CBLN2: variants seen among roughly 807,000 people sequenced by gnomAD.
CBLN2 encodes the protein cerebellin-2.
A neutral mutation model predicts 15.0 loss-of-function variants in CBLN2; 7 were observed. The observed-to-expected ratio is 0.47, with a 90% CI of 0.27 to 0.88. CBLN2 has a LOEUF of 0.88. CBLN2 is among the 40% of genes least tolerant of loss of function. The pLI, the probability that CBLN2 is intolerant of heterozygous loss-of-function variation, is 0.14. For synonymous variants in CBLN2, 149 were observed against 135.2 expected (o/e 1.10, Z -0.71); for missense variants, 242 against 304.5 (o/e 0.79, Z 1.53).
At chr18:72,580,436 C>T (rs998475114) in intron 1 of CBLN2, among the ~76,000 whole-genome samples, 5 of 152,146 alleles carry the variant, frequency 3.3e-5, no homozygotes, top group Non-Finnish European at 7.4e-5. Context: ...AGGTTTGTTT[C>T]TATCATAACC....
intron 1 of CBLN2, among the ~76,000 whole-genome samples, chr18:72,597,803 T>C (rs987413856): frequency 3.3e-5 from 5 of 151,796 alleles, no homozygotes; most frequent in Non-Finnish European, 5.9e-5. Context: ...AGCAAAGGAG[T>C]CTCTCCCTAT....
rs528289446 is a variant in CBLN2, at chr18:72,599,119, T to C, written c.15+39206A>G. Among the ~76,000 whole-genome samples, 13 of 152,296 alleles carry C rather than the reference T, an allele frequency of 8.5e-5. No individual in the cohort carries two copies. The South Asian group carries it at 1.2e-3, about 15-fold the overall frequency. On this transcript the variant is annotated intron_variant, in intron 1 of 2. Transcript: ENST00000581073. ...GGGGAACAATTTCTGGAGGCTTCTA[T>C]TTGGCCATGGTGCTCCACTTCCCCC...
At chr18:72,596,663 G>A (rs963625001) in intron 1 of CBLN2, among the ~76,000 whole-genome samples, 1 of 152,112 alleles carries the variant, frequency 6.6e-6, no homozygotes, top group Non-Finnish European at 1.5e-5. Context: ...TTCTTCTTGT[G>A]TTTGAAGGAT....
intron 1 of CBLN2, among the ~76,000 whole-genome samples, chr18:72,568,103 C>T (rs930977008): frequency 8.6e-5 from 13 of 151,978 alleles, no homozygotes; most frequent in Non-Finnish European, 1.6e-4. Flanking sequence ...TGTCAAATGC[C>T]GCTATATCCA....
intron 1 of CBLN2, among the ~76,000 whole-genome samples, chr18:72,570,992 C>G (rs990610344): frequency 2.0e-5 from 3 of 151,900 alleles, no homozygotes; most frequent in African/African-American, 7.3e-5. Context: ...TTATATCTCT[C>G]TCTATATATT....
At chr18:72,620,592 T>C (rs541896552) in intron 1 of CBLN2, 2 of 152,348 alleles carry the variant, frequency 1.3e-5, no homozygotes, top group East Asian at 1.9e-4. Context: ...CAGAGTGGGC[T>C]GTTGGTAGTA....
Position 72,538,278 on chromosome 18 carries a change from G to A in CBLN2, c.573C>T (p.Leu191=). ...REAASNGVLL[L]MEREDKVHLK... ...GATGCACTTTGTCTTCCCTTTCCAT[G>A]AGCAGCAGCACGCCATTGCTAGCAG... Residue 191 remains leucine, a synonymous_variant, in exon 5 of 5, where the codon CTC becomes CTT. Coordinates refer to ENST00000269503, the MANE Select transcript of CBLN2 (RefSeq NM_182511.4). 1 of 1,614,122 alleles carries A rather than the reference G, an allele frequency of 6.2e-7. No homozygotes were observed. The highest frequency in any genetic ancestry group is 8.5e-7 in the Non-Finnish European group (1 of 1,180,030).
chr18:72,563,199 G>A (rs1055036261), intron 1 of CBLN2, among the ~76,000 whole-genome samples: 1 of 152,074 alleles, frequency 6.6e-6, no homozygotes, highest in South Asian at 2.1e-4. Flanking sequence ...ATTATAAAAA[G>A]GGAAACCTAA....
At chr18:72,551,083 G>C (rs1477290583) in intron 1 of CBLN2, among the ~76,000 whole-genome samples, 1 of 151,680 alleles carries the variant, frequency 6.6e-6, no homozygotes, top group East Asian at 1.9e-4. Flanking sequence ...TTGTTTTGCT[G>C]TTTTTCAACA....
At chr18:72,624,372 C>A (rs1264162632) in intron 1 of CBLN2, among the ~76,000 whole-genome samples, 1 of 152,066 alleles carries the variant, frequency 6.6e-6, no homozygotes, top group African/African-American at 2.4e-5. Flanking sequence ...CTAACTAAAA[C>A]TATCTTCCTG....
At chr18:72,555,714 A>C (rs543155756) in intron 1 of CBLN2, among the ~76,000 whole-genome samples, 1 of 152,214 alleles carries the variant, frequency 6.6e-6, no homozygotes, top group Non-Finnish European at 1.5e-5. Context: ...GAACTTAAGC[A>C]AAATAATGTG....
Position 72,538,268 on chromosome 18 carries a change from C to G in CBLN2, c.583G>C (p.Glu195Gln), listed in dbSNP as rs1309683099. ...SNGVLLLMER[E>Q]DKVHLKLERG... ...TCAAGTTTGAGATGCACTTTGTCTTCCCTTTCCATGAGCAGCAGCACGCCA... is the reference window on the plus strand; with the variant it reads ...TCAAGTTTGAGATGCACTTTGTCTTGCCTTTCCATGAGCAGCAGCACGCCA... The change falls in exon 5 of 5, where the codon GAA (glutamate) becomes CAA (glutamine). Residue 195 changes from glutamate to glutamine, a missense_variant. Glu to Gln is a conservative substitution (Grantham distance 29). Coordinates refer to ENST00000269503, the MANE Select transcript of CBLN2 (RefSeq NM_182511.4). The G allele has an allele frequency of 2.5e-6, 4 of 1,614,072 alleles. No individual in the cohort carries two copies. The highest frequency in any genetic ancestry group is 1.3e-5 in the African/African-American group (1 of 74,918).
chr18:72,637,046 A>T (rs1187547222), intron 1 of CBLN2, among the ~76,000 whole-genome samples: 6 of 151,900 alleles, frequency 3.9e-5, no homozygotes, highest in Non-Finnish European at 5.9e-5. Context: ...AACTGCAAAA[A>T]AAAAAAAAAC....
intron 3 of CBLN2, chr18:72,539,013 A>G: frequency 2.2e-6 from 1 of 454,786 alleles, no homozygotes; most frequent in East Asian, 3.6e-5. Context: ...TCTAAAGCAT[A>G]TTTTAATTAT....
intron 1 of CBLN2, among the ~76,000 whole-genome samples, chr18:72,626,314 A>T (rs2069738977): frequency 6.6e-6 from 1 of 152,078 alleles, no homozygotes; most frequent in Non-Finnish European, 1.5e-5. Flanking sequence ...AACTCTTTAC[A>T]ATATTGGTAT....
intron 1 of CBLN2, among the ~76,000 whole-genome samples, chr18:72,568,385 A>G (rs1358816478): frequency 2.0e-5 from 3 of 152,192 alleles, no homozygotes; most frequent in Non-Finnish European, 4.4e-5. Context: ...GATTCTGAAC[A>G]TCTCTCAACT....
intron 1 of CBLN2, among the ~76,000 whole-genome samples, chr18:72,632,563 C>T (rs1054100870): frequency 1.3e-5 from 2 of 152,134 alleles, no homozygotes; most frequent in Non-Finnish European, 2.9e-5. Context: ...CACTCTTTTA[C>T]AATGTGGCCA....
At chr18:72,552,036 A>C (rs2069194686) in intron 1 of CBLN2, among the ~76,000 whole-genome samples, 1 of 149,846 alleles carries the variant, frequency 6.7e-6, no homozygotes, top group Non-Finnish European at 1.5e-5. Context: ...CATTTATCTA[A>C]CCTGTTTTGT....
At chr18:72,567,426 C>T (rs1317308222) in intron 1 of CBLN2, among the ~76,000 whole-genome samples, 1 of 152,086 alleles carries the variant, frequency 6.6e-6, no homozygotes, top group Non-Finnish European at 1.5e-5. Flanking sequence ...TAAATTACTG[C>T]TTGTCCAGAA....
Sources: gnomAD v4.1 joint callset for allele counts (sites outside exome capture counted in the v4.1 genomes callset) on GRCh38, gnomAD v4.1.1 for gene constraint, MANE v1.5 for transcripts, NCBI Gene and HGNC (gene_info 2026-07-23, HGNC 2026-07-21) for gene names.